The following BTRC variants were observed in gnomAD, a reference collection of about 807,000 sequenced individuals.
BTRC encodes F-box/WD repeat-containing protein 1A.
A neutral mutation model predicts 85.5 loss-of-function variants in BTRC; 42 were observed. The observed-to-expected ratio is 0.49, with a 90% CI of 0.38 to 0.64. BTRC has a LOEUF of 0.64. Among genes scored for constraint, BTRC ranks in the 30% least tolerant of loss-of-function variants. BTRC has a pLI of 0.00. For synonymous variants in BTRC, 255 were observed against 263.3 expected (o/e 0.97, Z 0.30); for missense variants, 594 against 743.5 (o/e 0.80, Z 2.34).
At chr10:101,468,831 A>G (rs940012436) in intron 3 of BTRC, among the ~76,000 whole-genome samples, 13 of 152,174 alleles carry the variant, frequency 8.5e-5, no homozygotes, top group South Asian at 4.1e-4. Context: ...CTGGCAATCA[A>G]TCCCTTTTAG....
chr10:101,541,284 G>T (rs1383298980), intron 13 of BTRC, among the ~76,000 whole-genome samples: 4 of 148,228 alleles, frequency 2.7e-5, no homozygotes, highest in Admixed American at 2.7e-4. Context: ...TTTTGAGACG[G>T]AGTCTCGCTC....
intron 1 of BTRC, among the ~76,000 whole-genome samples, chr10:101,409,532 A>G (rs1943719340): frequency 6.6e-6 from 1 of 152,226 alleles, no homozygotes; most frequent in African/African-American, 2.4e-5. Flanking sequence ...GTGTACTTAC[A>G]CAAACCTAGG....
intron 1 of BTRC, among the ~76,000 whole-genome samples, chr10:101,369,242 G>A (rs909608603): frequency 1.1e-4 from 17 of 151,358 alleles, no homozygotes; most frequent in Non-Finnish European, 2.5e-4. Context: ...TAAAGAGATG[G>A]GTTCTTGCCC....
intron 1 of BTRC, among the ~76,000 whole-genome samples, chr10:101,405,466 T>C (rs1943597719): frequency 6.6e-6 from 1 of 152,198 alleles, no homozygotes; most frequent in South Asian, 2.1e-4. Context: ...CGATACTCCT[T>C]CTGCACTCCT....
intron 6 of BTRC, among the ~76,000 whole-genome samples, chr10:101,526,649 G>A (rs549578589): frequency 1.8e-4 from 27 of 152,262 alleles, no homozygotes; most frequent in African/African-American, 5.5e-4. Flanking sequence ...GTATGGTGGC[G>A]TGCACCTGTA....
Position 101,534,861 on chromosome 10 carries a change from A to C in BTRC, c.1298A>C (p.Asp433Ala). ...CACCGAGCTGCTGTCAATGTTGTAG[A>C]CTTTGATGACAAGTACATTGTTTCT... Reference protein sequence around the residue: ...VGHRAAVNVVDFDDKYIVSAS... With the variant: ...VGHRAAVNVVAFDDKYIVSAS... Residue 433 changes from aspartate (D) to alanine (A), a missense_variant, in exon 10 of 15, where the codon GAC becomes GCC. Transcript: ENST00000370187. 6.2e-7 allele frequency: 1 copy of C among 1,614,106 alleles called. No homozygotes were observed.
chr10:101,454,966 A>G (rs1945037640), intron 2 of BTRC, among the ~76,000 whole-genome samples: 2 of 152,206 alleles, frequency 1.3e-5, no homozygotes, highest in African/African-American at 2.4e-5. Flanking sequence ...TTTCATAGAA[A>G]TAAAGAGCCA....
At chr10:101,526,372 T>A (rs2062191306) in intron 6 of BTRC, among the ~76,000 whole-genome samples, 173 bp downstream of exon 6, 1 of 152,232 alleles carries the variant, frequency 6.6e-6, no homozygotes, top group Admixed American at 6.5e-5. Flanking sequence ...GCAGTTTTTC[T>A]TCTTACCTGT....
At chr10:101,429,211 A>G (rs1013580607) in intron 1 of BTRC, among the ~76,000 whole-genome samples, 3 of 152,166 alleles carry the variant, frequency 2.0e-5, no homozygotes, top group East Asian at 1.9e-4. Flanking sequence ...TTAGACTGTA[A>G]TAGCACTCAA....
chr10:101,514,929 G>A (rs1349013073), intron 4 of BTRC, among the ~76,000 whole-genome samples: 1 of 152,018 alleles, frequency 6.6e-6, no homozygotes, highest in Non-Finnish European at 1.5e-5. Flanking sequence ...TTTTTCAAAG[G>A]GTTTTGTGGT....
At position 101,363,947 on chromosome 10, in the gene BTRC, A is replaced by G. The variant is rs74384089; in HGVS notation, c.48+9719A>G. On this transcript the variant is annotated intron_variant, in intron 1 of 14. Transcript: ENST00000370187. ...TAGAATCACAAAATACCAGCATCTT[A>G]CAGTGATAGGTATTTATTCTCTTGA... Among the ~76,000 whole-genome samples the G allele has an allele frequency of 2.0e-3, 305 of 152,262 alleles. 2 individuals carry two copies. Among genetic ancestry groups the G allele is most frequent in the African/African-American group, 7.1e-3 (294 of 41,556 alleles).
chr10:101,504,609 A>G (rs1589562123), intron 4 of BTRC, among the ~76,000 whole-genome samples: 1 of 150,014 alleles, frequency 6.7e-6, no homozygotes, highest in Non-Finnish European at 1.5e-5. Context: ...TTCCTCTTCT[A>G]CCCTCTTCTC....
chr10:101,434,838 T>C (rs911412783), intron 2 of BTRC, among the ~76,000 whole-genome samples: 5 of 151,242 alleles, frequency 3.3e-5, no homozygotes, highest in Admixed American at 3.3e-4. Flanking sequence ...TTCAGCCATG[T>C]TGGCCAGGCT....
intron 2 of BTRC, among the ~76,000 whole-genome samples, chr10:101,459,795 TAGA>T (rs1456945582): frequency 6.6e-6 from 1 of 152,154 alleles, no homozygotes; most frequent in Non-Finnish European, 1.5e-5. Context: ...TCTGATAAAA[TAGA>T]GGGTCAGTAA....
chr10:101,372,548 C>G (rs1004943112), intron 1 of BTRC, among the ~76,000 whole-genome samples: 99 of 147,702 alleles, frequency 6.7e-4, no homozygotes, highest in African/African-American at 2.4e-3. Flanking sequence ...GCCACTGTGC[C>G]TGGCCTGCAT....
intron 1 of BTRC, among the ~76,000 whole-genome samples, chr10:101,373,693 G>A (rs1278624072): frequency 1.3e-5 from 2 of 152,104 alleles, no homozygotes; most frequent in African/African-American, 2.4e-5. Context: ...CGAGGTGGGC[G>A]GATCACGAGG....
chr10:101,397,702 T>C (rs1943398644), intron 1 of BTRC, among the ~76,000 whole-genome samples: 1 of 152,218 alleles, frequency 6.6e-6, no homozygotes, highest in Admixed American at 6.5e-5. Context: ...TCTCACCCAG[T>C]GCTTAATTTT....
intron 1 of BTRC, among the ~76,000 whole-genome samples, chr10:101,370,536 A>G (rs1942603930): frequency 6.6e-6 from 1 of 152,130 alleles, no homozygotes; most frequent in Non-Finnish European, 1.5e-5. Flanking sequence ...AAATGTAGTC[A>G]AGATTTTCAA....
chr10:101,492,328 G>A (rs1055163044), intron 4 of BTRC, among the ~76,000 whole-genome samples: 5 of 152,150 alleles, frequency 3.3e-5, no homozygotes, highest in African/African-American at 1.2e-4. Context: ...GGTTCCTACA[G>A]TGTTAACTAT....
Sources: gnomAD v4.1 joint callset for allele counts (sites outside exome capture counted in the v4.1 genomes callset) on GRCh38, gnomAD v4.1.1 for gene constraint, MANE v1.5 for transcripts, NCBI Gene and HGNC (gene_info 2026-07-23, HGNC 2026-07-21) for gene names.